The following CACNA2D3 variants were observed in gnomAD, a reference collection of about 807,000 sequenced individuals.
The protein encoded by CACNA2D3 is calcium voltage-gated channel auxiliary subunit alpha2delta 3.
Under a neutral mutation model 160.6 loss-of-function variants are expected in CACNA2D3, and 60 were observed. That is an observed-to-expected ratio of 0.37 (90% CI 0.30 to 0.46). The LOEUF (loss-of-function observed/expected upper bound fraction) is 0.46. CACNA2D3 is among the 20% of genes least tolerant of loss of function. CACNA2D3 has a pLI of 1.00. For missense variants in CACNA2D3, 1,205 were observed against 1,365.0 expected (o/e 0.88, Z 1.85); for synonymous variants, 558 against 492.9 (o/e 1.13, Z -1.75).
chr3:54,159,946 A>G (rs749105344), intron 2 of CACNA2D3, among the ~76,000 whole-genome samples: 104 of 152,324 alleles, frequency 6.8e-4, no homozygotes, highest in Non-Finnish European at 1.2e-3. Flanking sequence ...GATAACATAC[A>G]ATTATTATTA....
chr3:54,809,319 T>C lies in CACNA2D3; in HGVS notation c.1381-7534T>C, dbSNP rs796725870. Among the ~76,000 whole-genome samples, 45 of 105,496 alleles carry C rather than the reference T, an allele frequency of 4.3e-4. 2 individuals are homozygous for C. The highest frequency in any genetic ancestry group is 1.7e-3 in the African/African-American group (36 of 20,684). The allele number at this position is 105,496 out of a possible 152,430, so 69.2% of individuals were successfully genotyped here. On this transcript the variant is annotated intron_variant, in intron 13 of 37. Coordinates refer to ENST00000474759, the MANE Select transcript of CACNA2D3 (RefSeq NM_018398.3). ...TCCTTCCTTCCTTCTTTCTTTTTTT[T>C]TTTTTTTTTTGAGACGGAGTCTCGC...
intron 29 of CACNA2D3, among the ~76,000 whole-genome samples, chr3:54,978,019 A>C (rs1351021439): frequency 6.6e-6 from 1 of 152,134 alleles, no homozygotes; most frequent in Non-Finnish European, 1.5e-5. Flanking sequence ...TGGCATTTGT[A>C]AACTGTCATG....
In CACNA2D3 at chr3:54,896,593, C is replaced by T. The variant is rs148232953; in HGVS notation, c.2247-156C>T. The T allele has an allele frequency of 5.8e-5, 43 of 738,968 alleles. 1 individual carries two copies. In the African/African-American group the frequency reaches 6.3e-4, roughly 11 times the overall value. 45.8% of individuals were successfully genotyped at this position (738,968 alleles called of 1,614,324 possible). A position where few individuals can be genotyped will look rare whatever the true frequency, so the allele number is the denominator to read the frequency against. On this transcript the variant is annotated intron_variant, in intron 25 of 37. Transcript: ENST00000474759. ...AGATGTTTTTGAGTAATCTGGGGTG[C>T]ACAGTGTTAAGTGAGGCCCCCTCTA...
chr3:54,750,220 G>T (rs1039337694), intron 11 of CACNA2D3, among the ~76,000 whole-genome samples: 1 of 152,138 alleles, frequency 6.6e-6, no homozygotes, highest in Admixed American at 6.5e-5. Context: ...AGAGGAGGCT[G>T]GCACTCACAG....
rs1413241127 is a variant in CACNA2D3 at position 54,350,968 on chromosome 3, GTTTTTTTTTTTTTGTTTGTT to G, written c.321+30424_321+30443del. Among the ~76,000 whole-genome samples the G allele has an allele frequency of 6.1e-4, 34 of 56,134 alleles. 3 individuals are homozygous for G. Among genetic ancestry groups the G allele is most frequent in the South Asian group, 3.4e-3 (5 of 1,456 alleles). The allele number at this position is 56,134 out of a possible 152,430, so 36.8% of individuals were successfully genotyped here. ...GCTTGGATTTTGAGATCTTGAGTCT[GTTTTTTTTTTTTTGTTTGTT>G]TTTTTTTTTTTTTTTTTTGAGACAG... On this transcript the variant is annotated intron_variant, in intron 3 of 37. Coordinates refer to ENST00000474759, the MANE Select transcript of CACNA2D3 (RefSeq NM_018398.3).
chr3:54,618,465 A>G (rs925028470), intron 9 of CACNA2D3, among the ~76,000 whole-genome samples: 1 of 151,270 alleles, frequency 6.6e-6, no homozygotes, highest in Non-Finnish European at 1.5e-5. Flanking sequence ...AATGGAAGAA[A>G]TTCAGACAAT....
chr3:55,018,298 G>A lies in CACNA2D3; in HGVS notation c.2968G>A (p.Ala990Thr). Residue 990 changes from alanine (A) to threonine (T), a missense_variant, in exon 35 of 38, where the codon GCT (alanine) becomes ACT (threonine). Around this residue, in one of 3 missense-constraint regions of CACNA2D3, gnomAD observed 911 missense variants for 1,002.2 expected, o/e 0.91. Coordinates refer to ENST00000474759, the MANE Select transcript of CACNA2D3 (RefSeq NM_018398.3). ...CATCAAGGAGACTACAGGGAATATT[G>A]CTTGTGAAGACTGCTCCAAGTAAGC... Reference protein sequence around the residue: ...RTIKETTGNIACEDCSKSFVI... With the variant: ...RTIKETTGNITCEDCSKSFVI... The A allele has an allele frequency of 6.2e-7, 1 of 1,610,376 alleles. No homozygotes were observed.
intron 27 of CACNA2D3, among the ~76,000 whole-genome samples, chr3:54,951,219 T>G (rs1374953888): frequency 1.8e-4 from 27 of 152,194 alleles, no homozygotes. Flanking sequence ...GTGCTGCACT[T>G]TGGTGCAAAA....
At chr3:54,955,468 GAAA>G (rs148881229) in intron 27 of CACNA2D3, among the ~76,000 whole-genome samples, 1 of 151,582 alleles carries the variant, frequency 6.6e-6, no homozygotes, top group African/African-American at 2.4e-5. Flanking sequence ...AAAGAAAAAA[GAAA>G]AAAAAGCTCT....
At chr3:54,646,173 TC>T (rs1699639186) in intron 11 of CACNA2D3, among the ~76,000 whole-genome samples, 1 of 22,242 alleles carries the variant, frequency 4.5e-5, no homozygotes, top group Non-Finnish European at 9.2e-5. Context: ...CCTCCCTCCC[TC>T]CCTCCCTCCC....
intron 11 of CACNA2D3, among the ~76,000 whole-genome samples, chr3:54,736,024 C>CATATATATATATACAT: frequency 1.5e-5 from 1 of 65,262 alleles, no homozygotes; most frequent in East Asian, 2.6e-4. Context: ...TATACACATA[C>CATATATATATATACAT]ATATATATAT....
At chr3:54,504,799 C>T (rs1701343679) in intron 5 of CACNA2D3, among the ~76,000 whole-genome samples, 1 of 152,148 alleles carries the variant, frequency 6.6e-6, no homozygotes, top group Non-Finnish European at 1.5e-5. Flanking sequence ...AGCAACTTTG[C>T]CTTTCTGAGG....
chr3:54,702,234 A>G (rs749127074), intron 11 of CACNA2D3, among the ~76,000 whole-genome samples: 16 of 152,204 alleles, frequency 1.1e-4, no homozygotes, highest in Non-Finnish European at 2.4e-4. Context: ...TCTCAAAAGC[A>G]ATTGCAACAA....
chr3:54,822,791 C>CTTTCT (rs1559595624), intron 14 of CACNA2D3, among the ~76,000 whole-genome samples: 15 of 44,460 alleles, frequency 3.4e-4, no homozygotes, highest in South Asian at 9.1e-4. Context: ...TCTTTCTTTC[C>CTTTCT]TTTCTTTCTT....
chr3:54,614,313 A>G (rs1698805351), intron 9 of CACNA2D3, among the ~76,000 whole-genome samples: 2 of 152,212 alleles, frequency 1.3e-5, no homozygotes, highest in Non-Finnish European at 1.5e-5. Flanking sequence ...GTACTGGCCC[A>G]GGGCAGAGCC....
intron 14 of CACNA2D3, among the ~76,000 whole-genome samples, chr3:54,828,586 A>G (rs537652659): frequency 6.6e-6 from 1 of 152,346 alleles, no homozygotes; most frequent in South Asian, 2.1e-4. Context: ...TAACAATTTT[A>G]TTAGAAGAGG....
At chr3:54,299,880 G>T (rs1319461249) in intron 2 of CACNA2D3, among the ~76,000 whole-genome samples, 1 of 152,196 alleles carries the variant, frequency 6.6e-6, no homozygotes, top group Non-Finnish European at 1.5e-5. Context: ...GCGTTTTGTT[G>T]CTGGTTTTTA....
At chr3:54,492,689 T>A (rs544957710) in intron 4 of CACNA2D3, among the ~76,000 whole-genome samples, 1 of 152,208 alleles carries the variant, frequency 6.6e-6, no homozygotes, top group Non-Finnish European at 1.5e-5. Context: ...TCAAACACTT[T>A]AACTTAGAAA....
At chr3:54,738,372 C>G (rs554095436) in intron 11 of CACNA2D3, among the ~76,000 whole-genome samples, 1 of 152,324 alleles carries the variant, frequency 6.6e-6, no homozygotes, top group East Asian at 1.9e-4. Flanking sequence ...GCAGAACTTC[C>G]TGCAGTCATA....
Sources: allele counts gnomAD v4.1 joint callset (sites outside exome capture counted in the v4.1 genomes callset), GRCh38; gene constraint gnomAD v4.1.1; regional missense constraint gnomAD v4.1.1; transcripts MANE v1.5; gene names NCBI Gene and HGNC (gene_info 2026-07-23, HGNC 2026-07-21).